The following OXR1 variants were observed in gnomAD, a reference collection of about 807,000 sequenced individuals.
The protein encoded by OXR1 is oxidation resistance protein 1.
OXR1 carries 41 observed loss-of-function variants against 104.6 expected under a neutral mutation model. That is an observed-to-expected ratio of 0.39 (90% CI 0.31 to 0.51). The LOEUF (loss-of-function observed/expected upper bound fraction) is 0.51, where lower values mean the gene tolerates loss of function less well. OXR1 is among the 20% of genes least tolerant of loss of function. The pLI is 0.77. For missense variants in OXR1, 955 were observed against 1,031.9 expected, an observed-to-expected ratio of 0.93 and a Z score of 1.02; for synonymous variants, 348 against 348.4, an observed-to-expected ratio of 1.00 and a Z score of 0.01.
intron 2 of OXR1, among the ~76,000 whole-genome samples, chr8:106,518,735 G>C (rs575636470): frequency 6.6e-6 from 1 of 152,160 alleles, no homozygotes; most frequent in South Asian, 2.1e-4. Context: ...CTTTCAAAAT[G>C]ATTAGGCAGA....
At chr8:106,315,959 T>C (rs80259743) in intron 1 of OXR1, among the ~76,000 whole-genome samples, 13,502 of 152,266 alleles carry the variant, frequency 0.089, 696 homozygotes, top group African/African-American at 0.14. Flanking sequence ...TCATGAAATG[T>C]ATTTCTTCAA....
chr8:106,358,963 C>G lies in OXR1; in HGVS notation c.-138-513C>G, dbSNP rs555776684. Among the ~76,000 whole-genome samples, 3 of 150,360 alleles carry G rather than the reference C, an allele frequency of 2.0e-5. No individual in the cohort carries two copies. In the East Asian group the frequency reaches 5.8e-4, roughly 29 times the overall value. ...TAATTTAATTCACCGTCTTATTTAG[C>G]GAATAATTTAATTCACTAAATTATT... On this transcript the variant is annotated intron_variant, in intron 1 of 16. Coordinates refer to ENST00000517566, the MANE Select transcript of OXR1 (RefSeq NM_001198533.2).
chr8:106,743,819 A>G (rs569715013), intron 15 of OXR1, among the ~76,000 whole-genome samples: 19 of 152,360 alleles, frequency 1.2e-4, no homozygotes, highest in African/African-American at 4.1e-4. Flanking sequence ...TTGTAGCACT[A>G]TTCACAATAG....
At chr8:106,287,519 G>T (rs556213345) in intron 1 of OXR1, among the ~76,000 whole-genome samples, 1 of 152,212 alleles carries the variant, frequency 6.6e-6, no homozygotes, top group East Asian at 1.9e-4. Flanking sequence ...TCCAATTAGA[G>T]GGAAAAGTGC....
intron 2 of OXR1, among the ~76,000 whole-genome samples, chr8:106,429,595 G>C (rs1819275237): frequency 1.3e-5 from 2 of 151,280 alleles, no homozygotes; most frequent in Admixed American, 6.6e-5. Context: ...TGGAGATGGA[G>C]GTTGCAGTGA....
At chr8:106,630,713 A>C (rs1460213469) in intron 3 of OXR1, among the ~76,000 whole-genome samples, 1 of 152,228 alleles carries the variant, frequency 6.6e-6, no homozygotes, top group Non-Finnish European at 1.5e-5. Context: ...AGCATGCCAA[A>C]CATAGAGTAA....
intron 8 of OXR1, among the ~76,000 whole-genome samples, chr8:106,705,014 T>G (rs1233665457): frequency 6.6e-6 from 1 of 152,204 alleles, no homozygotes; most frequent in African/African-American, 2.4e-5. Flanking sequence ...GAGGTTGATT[T>G]CAAAGGTATT....
In OXR1 at chr8:106,480,522, A is replaced by G. The variant is rs569624855; in HGVS notation, c.24-38421A>G. On this transcript the variant is annotated intron_variant, in intron 2 of 16. Coordinates refer to ENST00000517566, the MANE Select transcript of OXR1 (RefSeq NM_001198533.2). ...TTGACTGGATATTGAGTGTTAAACT[A>G]TAGAAGTATTTCAGACCACTTGAGT... Among the ~76,000 whole-genome samples the G allele has an allele frequency of 3.9e-5, 6 of 152,086 alleles. 1 individual carries two copies. The South Asian group carries it at 1.0e-3, about 26-fold the overall frequency.
At chr8:106,732,170 T>C (rs1361923896) in intron 11 of OXR1, among the ~76,000 whole-genome samples, 1 of 152,170 alleles carries the variant, frequency 6.6e-6, no homozygotes, top group Admixed American at 6.5e-5. Flanking sequence ...AACTTTCAAA[T>C]TCCAAGTTTT....
intron 1 of OXR1, among the ~76,000 whole-genome samples, chr8:106,282,224 A>C (rs1812319440): frequency 6.6e-6 from 1 of 152,228 alleles, no homozygotes; most frequent in Non-Finnish European, 1.5e-5. Context: ...AATTTGGCAT[A>C]TTCATTAATT....
intron 1 of OXR1, among the ~76,000 whole-genome samples, chr8:106,320,826 C>T (rs1814186339): frequency 6.6e-6 from 1 of 152,100 alleles, no homozygotes; most frequent in Non-Finnish European, 1.5e-5. Flanking sequence ...CATGTACCAC[C>T]ATGCCTAGCT....
chr8:106,713,447 T>C (rs1014767841), intron 10 of OXR1, among the ~76,000 whole-genome samples: 6 of 151,970 alleles, frequency 3.9e-5, no homozygotes, highest in African/African-American at 1.4e-4. Flanking sequence ...AAATAGGCCA[T>C]TAATAAATTG....
Position 106,338,040 on chromosome 8 carries a change from A to G in OXR1, c.-138-21436A>G, listed in dbSNP as rs571016973. Among the ~76,000 whole-genome samples, 5 of 152,268 alleles carry G rather than the reference A, an allele frequency of 3.3e-5. No individual in the cohort carries two copies. The South Asian group carries it at 1.0e-3, about 32-fold the overall frequency. On this transcript the variant is annotated intron_variant, in intron 1 of 16. Transcript: ENST00000517566. ...TTACAAGTATAATTCATGAACTTCT[A>G]TTTTATCTGTTAAACAAAATTATAG...
intron 1 of OXR1, among the ~76,000 whole-genome samples, chr8:106,345,810 G>C (rs1343446973): frequency 6.6e-6 from 1 of 152,138 alleles, no homozygotes; most frequent in Non-Finnish European, 1.5e-5. Context: ...AAGCTTCCCT[G>C]TGTCACTCAA....
At chr8:106,316,021 C>T (rs188860789) in intron 1 of OXR1, among the ~76,000 whole-genome samples, 62 of 152,226 alleles carry the variant, frequency 4.1e-4, no homozygotes, top group South Asian at 1.5e-3. Context: ...AGAGGTAATT[C>T]GTCTGGGATA....
chr8:106,324,012 A>G (rs945649029), intron 1 of OXR1, among the ~76,000 whole-genome samples: 2 of 152,236 alleles, frequency 1.3e-5, no homozygotes, highest in African/African-American at 4.8e-5. Flanking sequence ...ATTACTGGGT[A>G]TATACCCAGA....
At chr8:106,696,010 T>C (rs1170477006) in intron 7 of OXR1, among the ~76,000 whole-genome samples, 6 of 151,924 alleles carry the variant, frequency 3.9e-5, no homozygotes, top group Admixed American at 3.3e-4. Context: ...GATTCTCTCT[T>C]GTACATTCTG....
chr8:106,524,487 C>T (rs1813505758), intron 3 of OXR1, among the ~76,000 whole-genome samples: 1 of 152,170 alleles, frequency 6.6e-6, no homozygotes, highest in Non-Finnish European at 1.5e-5. Flanking sequence ...ATATGGAGGA[C>T]TTTTGCTGGA....
intron 12 of OXR1, among the ~76,000 whole-genome samples, chr8:106,738,850 T>C (rs954213639): frequency 5.3e-5 from 8 of 151,790 alleles, no homozygotes; most frequent in Non-Finnish European, 1.2e-4. Context: ...TATTGTTTGG[T>C]CCAAGTAGAT....
Sources: gnomAD v4.1 joint callset for allele counts (sites outside exome capture counted in the v4.1 genomes callset) on GRCh38, gnomAD v4.1.1 for gene constraint, MANE v1.5 for transcripts, NCBI Gene and HGNC (gene_info 2026-07-23, HGNC 2026-07-21) for gene names.